The following BCAT2 variants were observed in gnomAD, a reference collection of about 807,000 sequenced individuals.
BCAT2 encodes the protein branched chain amino acid transaminase 2.
Under a neutral mutation model 52.9 loss-of-function variants are expected in BCAT2, and 44 were observed. The observed-to-expected ratio is 0.83, with a 90% CI of 0.65 to 1.07. BCAT2 has a LOEUF of 1.07. BCAT2 is among the 50% of genes least tolerant of loss of function. The pLI is 0.00. For synonymous variants in BCAT2, 215 were observed against 217.1 expected, an observed-to-expected ratio of 0.99 and a Z score of 0.08; for missense variants, 478 against 521.8, an observed-to-expected ratio of 0.92 and a Z score of 0.82.
intron 1 of BCAT2, chr19:48,808,266 T>C (rs2122700068): frequency 2.0e-6 from 2 of 984,720 alleles, no homozygotes; most frequent in Non-Finnish European, 2.4e-6. Context: ...ACCCACAGTA[T>C]GAGAGACACA....
In BCAT2 at chr19:48,807,092, T is replaced by G. The variant is rs957947793; in HGVS notation, c.25-18A>C. The G allele has an allele frequency of 6.2e-7, 1 of 1,607,828 alleles. No homozygotes were observed. The highest frequency in any genetic ancestry group is 1.3e-5 in the African/African-American group (1 of 74,706). ...GCCCAGATCTGGGTGGAGAAAGAAG[T>G]GAGAGAGGGGGTGAGTGGGGCACAG... On this transcript the variant is annotated intron_variant, in intron 1 of 10. Coordinates refer to ENST00000316273, the MANE Select transcript of BCAT2 (RefSeq NM_001190.4). This position sits in a 1 kb window ranked among gnomAD's most constrained non-coding sequence, Gnocchi z 4.6.
intron 3 of BCAT2, 28 bp from the exon 4 acceptor site, chr19:48,800,325 CAG>C: frequency 6.3e-7 from 1 of 1,596,460 alleles, no homozygotes; most frequent in African/African-American, 1.3e-5. Context: ...TGGGGAGGCT[CAG>C]AGACTTCTCC....
In BCAT2 at chr19:48,807,308, A is replaced by G. The variant is rs2034811837; in HGVS notation, c.25-234T>C. 3 of 468,376 alleles carry G rather than the reference A, an allele frequency of 6.4e-6. No homozygotes were observed. The highest frequency in any genetic ancestry group is 2.0e-5 in the African/African-American group (1 of 49,500). The allele number at this position is 468,376 out of a possible 1,614,324, so 29.0% of individuals were successfully genotyped here. A position where few individuals can be genotyped will look rare whatever the true frequency, so the allele number is the denominator to read the frequency against. On this transcript the variant is annotated intron_variant, in intron 1 of 10. Transcript: ENST00000316273. The surrounding 1 kb of genome is among the most constrained non-coding windows in gnomAD (Gnocchi z 4.6). ...CCCGCCCCCTCCTCCATGCTGCGGC[A>G]AAGTCAAACGCAAGCGCCTCCCACC...
intron 1 of BCAT2, among the ~76,000 whole-genome samples, chr19:48,808,482 C>T (rs1016181117): frequency 1.3e-5 from 2 of 151,968 alleles, no homozygotes; most frequent in African/African-American, 2.4e-5. Flanking sequence ...AGAGGCCACA[C>T]GCAGTGGCTC....
At chr19:48,802,168 G>A (rs2034671143) in intron 3 of BCAT2, among the ~76,000 whole-genome samples, 1 of 151,918 alleles carries the variant, frequency 6.6e-6, no homozygotes, top group Non-Finnish European at 1.5e-5. Context: ...TAATCACTAG[G>A]GAGAAAAATG....
intron 3 of BCAT2, among the ~76,000 whole-genome samples, chr19:48,800,759 C>T (rs925164448): frequency 6.6e-6 from 1 of 151,446 alleles, no homozygotes; most frequent in Non-Finnish European, 1.5e-5. Context: ...CAGTGAGCCA[C>T]GATCATGCCA....
At chr19:48,801,890 G>A (rs2034665568) in intron 3 of BCAT2, among the ~76,000 whole-genome samples, 1 of 150,686 alleles carries the variant, frequency 6.6e-6, no homozygotes, top group Non-Finnish European at 1.5e-5. Context: ...GCCCACCTCG[G>A]CCTCCCAAAG....
In BCAT2 at chr19:48,796,449, C is replaced by G; in HGVS notation, c.1119G>C (p.Gln373His). 6.2e-7 allele frequency: 1 copy of G among 1,614,160 alleles called. No individual in the cohort carries two copies. Among genetic ancestry groups the G allele is most frequent in the Non-Finnish European group, 8.5e-7 (1 of 1,180,030 alleles). The change falls in exon 10 of 11, where the codon CAG becomes CAC. Residue 373 changes from glutamine to histidine, a missense_variant. Transcript: ENST00000316273. ...TCACCTGGATCTCCTTCAGCTCCTT[C>G]TGGAAGCGGAGGATCAGCTCAGGCC... ...ENGPELILRF[Q>H]KELKEIQYGI... is the part of the protein sequence containing the mutation.
rs769615461 is a variant in BCAT2, at chr19:48,795,480, G to A, written c.1141-16C>T. On this transcript the variant is annotated splice_polypyrimidine_tract_variant and intron_variant, in intron 10 of 10. Transcript: ENST00000316273. ...TGATTCCGTACTGCGGAACAACGGA[G>A]GCAGTGCGTGAGGTGGAAGCTGCAC... 1.2e-6 allele frequency: 2 copies of A among 1,613,716 alleles called. No individual in the cohort carries two copies. The highest frequency in any genetic ancestry group is 1.7e-5 in the Admixed American group (1 of 59,990).
At position 48,800,292 on chromosome 19, in the gene BCAT2, A is replaced by C. The variant is rs1286286229; in HGVS notation, c.306T>G (p.Phe102Leu). 1 of 1,613,394 alleles carries C rather than the reference A, an allele frequency of 6.2e-7. No homozygotes were observed. Among genetic ancestry groups the C allele is most frequent in the Non-Finnish European group, 8.5e-7 (1 of 1,180,024 alleles). The change falls in exon 4 of 11, where the codon TTT (phenylalanine) becomes TTG (leucine). Residue 102 changes from phenylalanine (F) to leucine (L), a missense_variant. Transcript: ENST00000316273. Reference protein sequence around the residue: ...SSSLHYSLQLFEGMKAFKGKD... With the variant: ...SSSLHYSLQLLEGMKAFKGKD... Reference sequence around the variant, plus strand: ...TGCCTTTGAACGCCTTCATGCCCTCAAACAGCTGCGGGGACACGCGGGTGG... The same window carrying C: ...TGCCTTTGAACGCCTTCATGCCCTCCAACAGCTGCGGGGACACGCGGGTGG...
In BCAT2 at chr19:48,795,439, A is replaced by T; in HGVS notation, c.1166T>A (p.Met389Lys). Residue 389 changes from methionine (M) to lysine (K), a missense_variant, in exon 11 of 11, where the codon ATG (methionine) becomes AAG (lysine). Transcript: ENST00000316273. ...CAGCCTGCAGCTTCACACCGGGAACATCCACTCGTGGGCTCTGATTCCGTA... is the reference window on the plus strand; with the variant it reads ...CAGCCTGCAGCTTCACACCGGGAACTTCCACTCGTGGGCTCTGATTCCGTA... ...IQYGIRAHEW[M>K]FPV is the part of the protein sequence containing the mutation. 1 of 1,613,992 alleles carries T rather than the reference A, an allele frequency of 6.2e-7. No individual in the cohort carries two copies. The highest frequency in any genetic ancestry group is 8.5e-7 in the Non-Finnish European group (1 of 1,179,992).
Position 48,795,478 on chromosome 19 carries a change from G to C in BCAT2, c.1141-14C>G. On this transcript the variant is annotated splice_polypyrimidine_tract_variant and intron_variant, in intron 10 of 10. Coordinates refer to ENST00000316273, the MANE Select transcript of BCAT2 (RefSeq NM_001190.4). ...TCTGATTCCGTACTGCGGAACAACG[G>C]AGGCAGTGCGTGAGGTGGAAGCTGC... The C allele has an allele frequency of 6.2e-7, 1 of 1,613,776 alleles. No individual in the cohort carries two copies. Among genetic ancestry groups the C allele is most frequent in the South Asian group, 1.1e-5 (1 of 91,034 alleles).
In BCAT2 at chr19:48,799,803, G is replaced by A. The variant is rs1289607555; in HGVS notation, c.567C>T (p.Leu189=). The change falls in exon 6 of 11, where the codon CTC becomes CTT. Residue 189 remains leucine, a synonymous_variant. Coordinates refer to ENST00000316273, the MANE Select transcript of BCAT2 (RefSeq NM_001190.4). This position sits in a 1 kb window ranked among gnomAD's most constrained non-coding sequence, Gnocchi z 5.5. ...SLGVSQPTRA[L]LFVILCPVGA... ...CCACTGGGCAGAGAATGACGAACAG[G>A]AGCGCGCGCGTGGGCTGGCTGACAC... 1.3e-6 allele frequency: 2 copies of A among 1,559,930 alleles called. No individual in the cohort carries two copies. Among genetic ancestry groups the A allele is most frequent in the East Asian group, 2.4e-5 (1 of 41,998 alleles).
At chr19:48,803,975 G>A (rs542257197) in intron 3 of BCAT2, among the ~76,000 whole-genome samples, 146 of 151,832 alleles carry the variant, frequency 9.6e-4, no homozygotes, top group Non-Finnish European at 1.7e-3. Context: ...CCTGGCCAAC[G>A]TGGTGAAACC....
chr19:48,810,187 G>A (rs1170479442), intron 1 of BCAT2, among the ~76,000 whole-genome samples: 1 of 152,222 alleles, frequency 6.6e-6, no homozygotes, highest in Non-Finnish European at 1.5e-5. Context: ...ATTCTGCCCT[G>A]ACATTCATCA....
At position 48,796,074 on chromosome 19, in the gene BCAT2, T is replaced by C. The variant is rs113661522; in HGVS notation, c.1140+354A>G. The C allele has an allele frequency of 6.1e-5, 28 of 456,556 alleles. 1 individual carries two copies. Among genetic ancestry groups the C allele is most frequent in the African/African-American group, 3.4e-4 (17 of 50,028 alleles). The allele number at this position is 456,556 out of a possible 1,614,324, so 28.3% of individuals were successfully genotyped here. A position where few individuals can be genotyped will look rare whatever the true frequency, so the allele number is the denominator to read the frequency against. ...CCAGGGCACCCGGGGCAGCAGAGGA[T>C]CACAGGGAGGGAGTTTCTCCCACCA... On this transcript the variant is annotated intron_variant, in intron 10 of 10. Transcript: ENST00000316273.
In BCAT2 at chr19:48,796,507, G is replaced by A; in HGVS notation, c.1066-5C>T. 6.2e-7 allele frequency: 1 copy of A among 1,612,776 alleles called. No homozygotes were observed. The highest frequency in any genetic ancestry group is 8.5e-7 in the Non-Finnish European group (1 of 1,179,708). On this transcript the variant is annotated splice_region_variant and splice_polypyrimidine_tract_variant and intron_variant, in intron 9 of 10. Coordinates refer to ENST00000316273, the MANE Select transcript of BCAT2 (RefSeq NM_001190.4). Reference sequence around the variant, plus strand: ...CATGGTGGGAATGTGGAGGTTCTGGGACAGAAGGTGCGGTGAGGACCAAGC... The same window carrying A: ...CATGGTGGGAATGTGGAGGTTCTGGAACAGAAGGTGCGGTGAGGACCAAGC...
rs1184258518 is a variant in BCAT2, at chr19:48,799,643, C to G, written c.695+32G>C. ...CCCTGTGTCTCCAACGCCCAGTGCG[C>G]CAGTCGTTCTGGGGATGGGGGTGCT... On this transcript the variant is annotated intron_variant, in intron 6 of 10. Transcript: ENST00000316273. The surrounding 1 kb of genome is among the most constrained non-coding windows in gnomAD (Gnocchi z 5.5). The G allele has an allele frequency of 2.0e-6, 3 of 1,534,322 alleles. No homozygotes were observed. Among genetic ancestry groups the G allele is most frequent in the Admixed American group, 2.3e-5 (1 of 43,214 alleles).
In BCAT2 at chr19:48,799,554, A is replaced by G; in HGVS notation, c.695+121T>C. ...GAGGTCACTTAGCACTGAGCCCTGCACGGTGCTGATGATGTCACCTTCATG... is the reference window on the plus strand; with the variant it reads ...GAGGTCACTTAGCACTGAGCCCTGCGCGGTGCTGATGATGTCACCTTCATG... On this transcript the variant is annotated intron_variant, in intron 6 of 10. Coordinates refer to ENST00000316273, the MANE Select transcript of BCAT2 (RefSeq NM_001190.4). This position sits in a 1 kb window ranked among gnomAD's most constrained non-coding sequence, Gnocchi z 5.5. The G allele has an allele frequency of 7.9e-7, 1 of 1,270,306 alleles. No individual in the cohort carries two copies. Among genetic ancestry groups the G allele is most frequent in the African/African-American group, 1.5e-5 (1 of 66,028 alleles). The allele number at this position is 1,270,306 out of a possible 1,614,324, so 78.7% of individuals were successfully genotyped here.
Sources: allele counts gnomAD v4.1 joint callset (sites outside exome capture counted in the v4.1 genomes callset), GRCh38; gene constraint gnomAD v4.1.1; non-coding constraint Gnocchi (gnomAD v3.1); transcripts MANE v1.5; gene names NCBI Gene and HGNC (gene_info 2026-07-23, HGNC 2026-07-21).